ST3GAL5: variants seen among roughly 807,000 people sequenced by gnomAD.
ST3GAL5 encodes the protein lactosylceramide alpha-2,3-sialyltransferase.
A neutral mutation model predicts 46.1 loss-of-function variants in ST3GAL5; 25 were observed. The ratio of observed to expected loss-of-function variants is 0.54; its 90% CI spans 0.40 to 0.76. The LOEUF is 0.76. Among genes scored for constraint, ST3GAL5 ranks in the 30% least tolerant of loss-of-function variants. ST3GAL5 has a pLI of 0.00. For synonymous variants in ST3GAL5, 182 were observed against 192.7 expected, an observed-to-expected ratio of 0.94 and a Z score of 0.46; for missense variants, 431 against 521.2, an observed-to-expected ratio of 0.83 and a Z score of 1.69.
chr2:85,884,369 C>T (rs778596139), intron 1 of ST3GAL5, among the ~76,000 whole-genome samples: 7 of 152,134 alleles, frequency 4.6e-5, no homozygotes, highest in Non-Finnish European at 8.8e-5. Context: ...ACATAGTGTG[C>T]AGCTGTGTTA....
intron 3 of ST3GAL5, chr2:85,854,101 T>A (rs151287596): frequency 1.3e-5 from 2 of 152,212 alleles, no homozygotes; most frequent in African/African-American, 2.4e-5. Context: ...TCTTTCTCTA[T>A]GAAAAATTAC....
intron 3 of ST3GAL5, chr2:85,851,262 A>T: frequency 1.8e-6 from 2 of 1,099,522 alleles, no homozygotes; most frequent in South Asian, 5.0e-5. Flanking sequence ...CTCAGTAGTC[A>T]CCTTCTGACT....
chr2:85,843,346 T>C (rs1682382421), intron 6 of ST3GAL5, among the ~76,000 whole-genome samples: 1 of 152,172 alleles, frequency 6.6e-6, no homozygotes, highest in Non-Finnish European at 1.5e-5. Flanking sequence ...TGCCAAAATA[T>C]CCTCCAGAAA....
At chr2:85,867,558 G>C (rs757858513) in intron 1 of ST3GAL5, 12 of 780,456 alleles carry the variant, frequency 1.5e-5, no homozygotes, top group African/African-American at 3.4e-5. Context: ...CAAGGAAGAG[G>C]CTGACGAATC....
chr2:85,877,330 G>A (rs1422487827), intron 1 of ST3GAL5, among the ~76,000 whole-genome samples: 1 of 152,106 alleles, frequency 6.6e-6, no homozygotes, highest in African/African-American at 2.4e-5. Context: ...GGATCATTTG[G>A]CATTCACTGT....
intron 3 of ST3GAL5, chr2:85,855,804 C>T (rs368761459): frequency 1.3e-5 from 2 of 152,148 alleles, no homozygotes; most frequent in African/African-American, 4.8e-5. Context: ...ATGGGCATTC[C>T]TCCAAAGAAA....
At position 85,863,391 on chromosome 2, in the gene ST3GAL5, C is replaced by T; in HGVS notation, c.177G>A (p.Arg59=). The T allele has an allele frequency of 6.2e-7, 1 of 1,614,168 alleles. No homozygotes were observed. The highest frequency in any genetic ancestry group is 1.1e-5 in the South Asian group (1 of 91,078). Residue 59 remains arginine (R), a synonymous_variant, in exon 2 of 7, where the codon AGG becomes AGA. Transcript: ENST00000638572. ...GGATGTCTTTTAATAACAAGCTGGGCCTTCTCATCTTGCTTTGAGCTCGGG... is the reference window on the plus strand; with the variant it reads ...GGATGTCTTTTAATAACAAGCTGGGTCTTCTCATCTTGCTTTGAGCTCGGG... ...WYTRAQSKMR[R]PSLLLKDILK...
chr2:85,860,136 G>C (rs1684562712), intron 3 of ST3GAL5, among the ~76,000 whole-genome samples: 1 of 152,166 alleles, frequency 6.6e-6, no homozygotes, highest in Non-Finnish European at 1.5e-5. Context: ...TACATCCCCA[G>C]GAATGTGATG....
In ST3GAL5 at chr2:85,888,936, C is replaced by G. The variant is rs948734027; in HGVS notation, c.-31G>C. The stretch of plus-strand genomic sequence containing the variant: ...TGAGGGGGCGCCGGCCGGCCGCCAG[C>G]CCGGTACCCCGCGCCCCCACCCGCC... On this transcript the variant is annotated 5_prime_UTR_variant, in exon 1 of 7. Transcript: ENST00000638572. The G allele has an allele frequency of 1.8e-5, 23 of 1,304,858 alleles. No homozygotes were observed. The African/African-American group carries it at 3.4e-4, about 19-fold the overall frequency. The allele number at this position is 1,304,858 out of a possible 1,614,324, so 80.8% of individuals were successfully genotyped here.
intron 3 of ST3GAL5, chr2:85,850,160 G>C (rs1054936): frequency 0.31 from 46,667 of 151,984 alleles, 7,561 homozygotes; most frequent in East Asian, 0.54. Flanking sequence ...GTCTACATCC[G>C]AAGAATCTGG....
chr2:85,872,285 T>C (rs929906612), intron 1 of ST3GAL5, among the ~76,000 whole-genome samples: 1 of 152,088 alleles, frequency 6.6e-6, no homozygotes, highest in African/African-American at 2.4e-5. Context: ...AAGTCAATTG[T>C]TGTCCTTGAG....
In ST3GAL5 at chr2:85,847,847, A is replaced by C. The variant is rs764327639; in HGVS notation, c.662+14T>G. The C allele has an allele frequency of 1.5e-5, 24 of 1,612,948 alleles. No individual in the cohort carries two copies. In the Middle Eastern group the frequency reaches 8.2e-4, roughly 55 times the overall value. On this transcript the variant is annotated intron_variant, in intron 4 of 6. Coordinates refer to ENST00000638572, the MANE Select transcript of ST3GAL5 (RefSeq NM_003896.4). The stretch of plus-strand genomic sequence containing the variant: ...AAAAATAAGTAAACAAACAAACAAA[A>C]AAAACCAATGTACCTTATCACAACA...
At chr2:85,869,300 C>T (rs1685648650) in intron 1 of ST3GAL5, among the ~76,000 whole-genome samples, 2 of 152,304 alleles carry the variant, frequency 1.3e-5, no homozygotes, top group South Asian at 4.1e-4. Flanking sequence ...CCCGCCTCAC[C>T]TCCCAAAGTG....
chr2:85,887,103 C>G (rs556557912), intron 1 of ST3GAL5, among the ~76,000 whole-genome samples: 2 of 152,288 alleles, frequency 1.3e-5, no homozygotes, highest in Non-Finnish European at 2.9e-5. Flanking sequence ...ACTCACCAAC[C>G]TCTTTTCATT....
Position 85,839,897 on chromosome 2 carries a change from T to C in ST3GAL5, c.*247A>G, listed in dbSNP as rs976255478. Reference sequence around the variant, plus strand: ...ACAACATCGTTACATACAATTCTCTTTGAGAAGTCTTTCCAATTCAATTCT... The same window carrying C: ...ACAACATCGTTACATACAATTCTCTCTGAGAAGTCTTTCCAATTCAATTCT... On this transcript the variant is annotated 3_prime_UTR_variant, in exon 7 of 7. Transcript: ENST00000638572. The C allele has an allele frequency of 1.7e-4, 92 of 550,196 alleles. No individual in the cohort carries two copies. The highest frequency in any genetic ancestry group is 2.6e-4 in the Non-Finnish European group (81 of 308,636). The allele number at this position is 550,196 out of a possible 1,614,324, so 34.1% of individuals were successfully genotyped here.
At position 85,837,137 on chromosome 2, in the gene ST3GAL5, C is replaced by T. The variant is rs1366487543; in HGVS notation, c.*3007G>A. 1 of 152,190 alleles carries T rather than the reference C, an allele frequency of 6.6e-6. No individual in the cohort carries two copies. The highest frequency in any genetic ancestry group is 1.5e-5 in the Non-Finnish European group (1 of 68,034). The allele number at this position is 152,190 out of a possible 1,614,324, so 9.4% of individuals were successfully genotyped here. On this transcript the variant is annotated 3_prime_UTR_variant, in exon 7 of 7. Coordinates refer to ENST00000638572, the MANE Select transcript of ST3GAL5 (RefSeq NM_003896.4). The stretch of plus-strand genomic sequence containing the variant: ...AAGACATATTGAAGATATATCTATA[C>T]TCCCATATTTATTGCAGCGCTATTC...
intron 1 of ST3GAL5, chr2:85,870,102 C>T (rs1022638315): frequency 1.4e-5 from 6 of 436,130 alleles, no homozygotes; most frequent in Non-Finnish European, 2.4e-5. Flanking sequence ...TTCCTGTATG[C>T]ATGCTTTCTT....
rs1558653176 is a variant in ST3GAL5 at position 85,847,843 on chromosome 2, C to A, written c.662+18G>T. 5 of 1,609,644 alleles carry A rather than the reference C, an allele frequency of 3.1e-6. No homozygotes were observed. In the South Asian group the frequency reaches 3.3e-5, roughly 11 times the overall value. On this transcript the variant is annotated intron_variant, in intron 4 of 6. Coordinates refer to ENST00000638572, the MANE Select transcript of ST3GAL5 (RefSeq NM_003896.4). ...CAATAAAAATAAGTAAACAAACAAA[C>A]AAAAAAAACCAATGTACCTTATCAC...
intron 6 of ST3GAL5, among the ~76,000 whole-genome samples, chr2:85,842,626 A>G (rs915379780): frequency 6.6e-6 from 1 of 152,214 alleles, no homozygotes; most frequent in Non-Finnish European, 1.5e-5. Flanking sequence ...CAGTTCAACT[A>G]ACAGACAGAT....
Sources: gnomAD v4.1 joint callset for allele counts (sites outside exome capture counted in the v4.1 genomes callset) on GRCh38, gnomAD v4.1.1 for gene constraint, MANE v1.5 for transcripts, NCBI Gene and HGNC (gene_info 2026-07-23, HGNC 2026-07-21) for gene names.